The following NRG1 variants were observed in gnomAD, a reference collection of about 807,000 sequenced individuals.
NRG1 encodes pro-neuregulin-1, membrane-bound isoform.
In NRG1, 18 loss-of-function variants were observed where a neutral mutation model predicts 63.8. The ratio of observed to expected loss-of-function variants is 0.28; its 90% CI spans 0.19 to 0.42. The LOEUF (loss-of-function observed/expected upper bound fraction) is 0.42, where lower values mean the gene tolerates loss of function less well. NRG1 is among the 10% of genes least tolerant of loss of function. The probability of loss-of-function intolerance (pLI) is 1.00; values close to 1 mark genes in which losing one functional copy is unlikely to be tolerated. For missense variants in NRG1, 762 were observed against 814.7 expected (o/e 0.94, Z 0.79); for synonymous variants, 302 against 301.3 (o/e 1.00, Z -0.02).
chr8:32,617,473 A>G (rs1847582905), intron 5 of NRG1, among the ~76,000 whole-genome samples: 1 of 152,184 alleles, frequency 6.6e-6, no homozygotes, highest in Non-Finnish European at 1.5e-5. Flanking sequence ...GACTTCTATA[A>G]CTGTTAGATT....
chr8:32,009,581 A>T (rs576258386), intron 1 of NRG1, among the ~76,000 whole-genome samples: 1 of 152,014 alleles, frequency 6.6e-6, no homozygotes, highest in Non-Finnish European at 1.5e-5. Flanking sequence ...TGGGGGGAAG[A>T]GGATGTTAAA....
chr8:31,774,471 G>A (rs1401149229), intron 1 of NRG1, among the ~76,000 whole-genome samples: 3 of 152,068 alleles, frequency 2.0e-5, no homozygotes, highest in Non-Finnish European at 4.4e-5. Context: ...GTAGTGTCTG[G>A]CACAGAACAG....
At chr8:31,981,183 G>C (rs1809013833) in intron 1 of NRG1, among the ~76,000 whole-genome samples, 1 of 151,934 alleles carries the variant, frequency 6.6e-6, no homozygotes, top group African/African-American at 2.4e-5. Flanking sequence ...GAAACATTTT[G>C]TTCCAGACTA....
At chr8:32,617,176 C>T (rs1847527831) in intron 5 of NRG1, among the ~76,000 whole-genome samples, 1 of 152,096 alleles carries the variant, frequency 6.6e-6, no homozygotes, top group Non-Finnish European at 1.5e-5. Flanking sequence ...AGTTCTGAGG[C>T]CTAATTCCTG....
At chr8:31,690,467 A>G (rs1585689970) in intron 1 of NRG1, among the ~76,000 whole-genome samples, 1 of 152,308 alleles carries the variant, frequency 6.6e-6, no homozygotes, top group South Asian at 2.1e-4. Context: ...TAAAGTCCTT[A>G]AGGCAGGAAA....
intron 1 of NRG1, among the ~76,000 whole-genome samples, chr8:32,434,906 T>A (rs1818596106): frequency 6.6e-6 from 1 of 152,180 alleles, no homozygotes; most frequent in African/African-American, 2.4e-5. Context: ...TATGGAAGGA[T>A]GTGCATAGGT....
At chr8:31,836,578 C>T (rs578070478) in intron 1 of NRG1, among the ~76,000 whole-genome samples, 2 of 152,142 alleles carry the variant, frequency 1.3e-5, no homozygotes, top group South Asian at 2.1e-4. Context: ...CATATTTTTG[C>T]ATTAAACTTA....
At chr8:32,608,024 A>G (rs917481286) in intron 3 of NRG1, among the ~76,000 whole-genome samples, 4 of 151,898 alleles carry the variant, frequency 2.6e-5, no homozygotes, top group East Asian at 1.9e-4. Context: ...GACAGCATAG[A>G]AAACAGACTT....
intron 1 of NRG1, among the ~76,000 whole-genome samples, chr8:32,314,360 T>C (rs1857140565): frequency 6.6e-6 from 1 of 152,222 alleles, no homozygotes; most frequent in Non-Finnish European, 1.5e-5. Flanking sequence ...AAAGCTTTTT[T>C]ACAGCTAGAA....
At chr8:31,984,169 A>G (rs186275482) in intron 1 of NRG1, among the ~76,000 whole-genome samples, 81 of 152,234 alleles carry the variant, frequency 5.3e-4, no homozygotes, top group African/African-American at 1.8e-3. Flanking sequence ...AAAAATTTTT[A>G]CTTATGAAAA....
intron 1 of NRG1, among the ~76,000 whole-genome samples, chr8:31,851,853 G>A (rs1827263130): frequency 6.7e-6 from 1 of 149,624 alleles, no homozygotes; most frequent in African/African-American, 2.5e-5. Context: ...GTGAGAATAT[G>A]CAGTGTCTGG....
At position 32,315,873 on chromosome 8, in the gene NRG1, C is replaced by T. The variant is rs556665881; in HGVS notation, c.38-279955C>T. Among the ~76,000 whole-genome samples the T allele has an allele frequency of 2.2e-4, 34 of 152,300 alleles. 1 individual carries two copies. In the South Asian group the frequency reaches 6.6e-3, roughly 30 times the overall value. On this transcript the variant is annotated intron_variant, in intron 1 of 10. Transcript: ENST00000519301. The stretch of plus-strand genomic sequence containing the variant: ...TTAATGCTTGCCATTGGGCCAAATG[C>T]TTTGTATGTGTTATTTCATTTATAT...
At chr8:32,255,916 C>CT (rs1212069426) in intron 1 of NRG1, among the ~76,000 whole-genome samples, 1 of 152,224 alleles carries the variant, frequency 6.6e-6, no homozygotes, top group Non-Finnish European at 1.5e-5. Context: ...CCTTTTCATT[C>CT]TTTTTTCTCT....
At chr8:31,848,649 A>G (rs1826916114) in intron 1 of NRG1, among the ~76,000 whole-genome samples, 1 of 152,194 alleles carries the variant, frequency 6.6e-6, no homozygotes. Flanking sequence ...GCTTCCTGTC[A>G]GATCAGCAGC....
intron 1 of NRG1, among the ~76,000 whole-genome samples, chr8:32,306,336 T>G (rs1856180684): frequency 6.6e-6 from 1 of 152,224 alleles, no homozygotes; most frequent in Non-Finnish European, 1.5e-5. Context: ...AAGAAAAAAT[T>G]AACAATCATG....
chr8:32,338,684 A>G (rs1803654801), intron 1 of NRG1, among the ~76,000 whole-genome samples: 3 of 152,202 alleles, frequency 2.0e-5, no homozygotes, highest in African/African-American at 7.2e-5. Context: ...TTTATGAAAC[A>G]TTTTTATACC....
At chr8:32,307,589 T>TGTG (rs1563296243) in intron 1 of NRG1, among the ~76,000 whole-genome samples, 7,796 of 93,460 alleles carry the variant, frequency 0.083, 234 homozygotes, top group Non-Finnish European at 0.11. Context: ...ACCCAGGGGT[T>TGTG]TGTGTGTGTG....
chr8:32,697,193 A>C (rs929721160), intron 5 of NRG1, among the ~76,000 whole-genome samples: 17 of 152,222 alleles, frequency 1.1e-4, no homozygotes, highest in Admixed American at 9.2e-4. Flanking sequence ...AGCTTGAGTC[A>C]GCTATTCTGT....
intron 5 of NRG1, among the ~76,000 whole-genome samples, chr8:32,658,790 G>T (rs185386714): frequency 1.9e-4 from 29 of 152,276 alleles, no homozygotes; most frequent in African/African-American, 6.5e-4. Context: ...CTGGTCTCCT[G>T]CAGGTTTAAA....
Sources: allele counts gnomAD v4.1 joint callset (sites outside exome capture counted in the v4.1 genomes callset), GRCh38; gene constraint gnomAD v4.1.1; transcripts MANE v1.5; gene names NCBI Gene and HGNC (gene_info 2026-07-23, HGNC 2026-07-21).